The following IGSF10 variants were observed in gnomAD, a reference collection of about 807,000 sequenced individuals.
IGSF10 encodes calvaria mechanical force protein 608.
Under a neutral mutation model 128.2 loss-of-function variants are expected in IGSF10, and 126 were observed. That is an observed-to-expected ratio of 0.98 (90% CI 0.85 to 1.14). IGSF10 has a LOEUF of 1.14. Ranked by LOEUF, IGSF10 falls within the 50% of genes most tolerant of loss-of-function variation. The pLI, the probability that IGSF10 is intolerant of heterozygous loss-of-function variation, is 0.00. For missense variants in IGSF10, 3,295 were observed against 3,149.8 expected, an observed-to-expected ratio of 1.05 and a Z score of -1.10; for synonymous variants, 1,185 against 1,146.2, an observed-to-expected ratio of 1.03 and a Z score of -0.68.
rs149372803 is a variant in IGSF10 at position 151,438,484 on chromosome 3, A to G, written c.6077T>C (p.Leu2026Pro). ...CVARNKMGDD[L>P]ILMHVSLRLK... is the part of the protein sequence containing the mutation. ...TCTTAGGCTAACATGCATCAGTATC[A>G]GATCATCCCCCATTTTGTTTCTTGC... Residue 2026 changes from leucine to proline, a missense_variant, in exon 8 of 8, where the codon CTG becomes CCG. Leu to Pro is a moderately conservative substitution (Grantham distance 98). Transcript: ENST00000282466. The G allele has an allele frequency of 1.2e-6, 2 of 1,614,164 alleles. No homozygotes were observed. The highest frequency in any genetic ancestry group is 1.7e-5 in the Admixed American group (1 of 60,008).
At chr3:151,552,272 T>C in the IGSF10 span, among the ~76,000 whole-genome samples, 1 of 152,156 alleles carries the variant, frequency 6.6e-6, no homozygotes, top group Non-Finnish European at 1.5e-5. Flanking sequence ...GTGAGTCAAT[T>C]AAACCTCTTT....
chr3:151,446,849 T>A lies in IGSF10; in HGVS notation c.3132A>T (p.Arg1044Ser). 3.1e-6 allele frequency: 5 copies of A among 1,614,200 alleles called. No individual in the cohort carries two copies. Among genetic ancestry groups the A allele is most frequent in the Non-Finnish European group, 4.2e-6 (5 of 1,180,038 alleles). Residue 1044 changes from arginine (R) to serine (S), a missense_variant, in exon 6 of 8, where the codon AGA (arginine) becomes AGT (serine). By Grantham distance (110) the Arg-to-Ser change is moderately radical. Coordinates refer to ENST00000282466, the MANE Select transcript of IGSF10 (RefSeq NM_178822.5). ...HRYSIFRSTT[R>S]GSSEKSTTAF... ...CAGTAGTGCTTTTTTCAGAAGAACC[T>A]CTGGTTGTTGACCTGAAAATGCTGT...
the IGSF10 span, among the ~76,000 whole-genome samples, chr3:151,594,495 A>G: frequency 6.6e-6 from 1 of 151,598 alleles, no homozygotes; most frequent in African/African-American, 2.4e-5. Context: ...CACCACGCCC[A>G]GCTAATTTTT....
At chr3:151,503,975 C>G in the IGSF10 span, among the ~76,000 whole-genome samples, 1 of 152,028 alleles carries the variant, frequency 6.6e-6, no homozygotes, top group Non-Finnish European at 1.5e-5. Context: ...CAAAATATAT[C>G]AAACACCAAC....
chr3:151,503,121 C>CA, the IGSF10 span, among the ~76,000 whole-genome samples: 1 of 151,970 alleles, frequency 6.6e-6, no homozygotes, highest in African/African-American at 2.4e-5. Context: ...AAAGGGTCCC[C>CA]AGGCTGGCAG....
chr3:151,537,080 T>C, the IGSF10 span, among the ~76,000 whole-genome samples: 5 of 152,166 alleles, frequency 3.3e-5, no homozygotes, highest in Non-Finnish European at 5.9e-5. Flanking sequence ...TTTGCAAGGA[T>C]TTAATATGGG....
chr3:151,495,939 T>G, the IGSF10 span, among the ~76,000 whole-genome samples: 1 of 152,148 alleles, frequency 6.6e-6, no homozygotes, highest in African/African-American at 2.4e-5. Flanking sequence ...TGAGATTTGC[T>G]GGATTTTTAC....
At chr3:151,619,758 T>G in the IGSF10 span, among the ~76,000 whole-genome samples, 1 of 152,286 alleles carries the variant, frequency 6.6e-6, no homozygotes, top group African/African-American at 2.4e-5. Flanking sequence ...TCTGCCCTCA[T>G]GAATTTATTC....
At chr3:151,462,912 G>A (rs916534960), upstream of IGSF10, among the ~76,000 whole-genome samples, 1 of 152,136 alleles carries the variant, frequency 6.6e-6, no homozygotes, top group Non-Finnish European at 1.5e-5. Flanking sequence ...ATATTTGTCG[G>A]GTTTTGGCAG....
At position 151,443,561 on chromosome 3, in the gene IGSF10, G is replaced by A. The variant is rs902882106; in HGVS notation, c.5386C>T (p.Gln1796Ter). 1 of 1,614,236 alleles carries A rather than the reference G, an allele frequency of 6.2e-7. No homozygotes were observed. The highest frequency in any genetic ancestry group is 8.5e-7 in the Non-Finnish European group (1 of 1,180,036). ...VVSESSQGSR[Q>*]AVVTVDGTLV... is the part of the protein sequence containing the mutation. ...GTTCCGTCAACCGTCACCACAGCCT[G>A]CCTACTTCCCTGGGATGATTCTGAG... The change falls in exon 7 of 8, where the codon CAG becomes TAG. Residue 1796 changes from glutamine to a stop codon, truncating the protein, a stop_gained. Coordinates refer to ENST00000282466, the MANE Select transcript of IGSF10 (RefSeq NM_178822.5). LOFTEE classifies it high-confidence loss of function.
intron 3 of IGSF10, among the ~76,000 whole-genome samples, chr3:151,457,510 T>G (rs1018650134): frequency 3.3e-5 from 5 of 152,126 alleles, no homozygotes; most frequent in African/African-American, 7.2e-5. Context: ...TGACACTATC[T>G]CCTCACCACT....
At chr3:151,570,041 G>A in the IGSF10 span, among the ~76,000 whole-genome samples, 17 of 152,140 alleles carry the variant, frequency 1.1e-4, no homozygotes, top group South Asian at 1.7e-3. Context: ...AGCTTCATCC[G>A]TGTCCCTACA....
chr3:151,438,660 C>A, intron 7 of IGSF10, 63 bp from the exon 8 acceptor site: 2 of 1,322,072 alleles, frequency 1.5e-6, no homozygotes, highest in East Asian at 2.3e-5. Context: ...CTGTTTTACT[C>A]AGGATTGCCT....
the IGSF10 span, among the ~76,000 whole-genome samples, chr3:151,599,019 A>G: frequency 1.3e-5 from 2 of 152,206 alleles, no homozygotes; most frequent in Admixed American, 1.3e-4. Flanking sequence ...CAAGAATAGA[A>G]GTGCTGAGAG....
At chr3:151,552,348 A>C in the IGSF10 span, among the ~76,000 whole-genome samples, 15,858 of 152,246 alleles carry the variant, frequency 0.1, 1,148 homozygotes, top group Non-Finnish European at 0.16. Context: ...AATACACCGC[A>C]TGACAGCCAA....
chr3:151,451,131 T>C (rs4680442), intron 5 of IGSF10, among the ~76,000 whole-genome samples: 116,975 of 151,850 alleles, frequency 0.77, 45,242 homozygotes, highest in Middle Eastern at 0.96. Context: ...AACCTGACCA[T>C]ATCACCCCCA....
the IGSF10 span, among the ~76,000 whole-genome samples, chr3:151,471,615 A>T: frequency 1.3e-5 from 2 of 152,348 alleles, no homozygotes; most frequent in Admixed American, 1.3e-4. Context: ...TTGGAATACT[A>T]CATGATTTTG....
intron 4 of IGSF10, among the ~76,000 whole-genome samples, chr3:151,455,493 G>A (rs1721749117): frequency 6.6e-6 from 1 of 151,982 alleles, no homozygotes; most frequent in African/African-American, 2.4e-5. Flanking sequence ...TATCCTCTTA[G>A]CCCTTCACAA....
At chr3:151,464,468 T>C (rs1312673559), upstream of IGSF10, among the ~76,000 whole-genome samples, 1 of 151,042 alleles carries the variant, frequency 6.6e-6, no homozygotes, top group Non-Finnish European at 1.5e-5. Context: ...CCTTAATTTA[T>C]CATCCATACC....
Sources: gnomAD v4.1 joint callset for allele counts (sites outside exome capture counted in the v4.1 genomes callset) on GRCh38, gnomAD v4.1.1 for gene constraint, MANE v1.5 for transcripts, NCBI Gene and HGNC (gene_info 2026-07-23, HGNC 2026-07-21) for gene names.